Variants in MAP4K4 observed in about 807,000 individuals in gnomAD.
MAP4K4 encodes HPK/GCK-like kinase HGK.
Under a neutral mutation model 189.6 loss-of-function variants are expected in MAP4K4, and 38 were observed. The ratio of observed to expected loss-of-function variants is 0.20; its 90% confidence interval spans 0.15 to 0.26. The LOEUF (loss-of-function observed/expected upper bound fraction) is 0.26, where lower values mean the gene tolerates loss of function less well. MAP4K4 is among the 10% of genes least tolerant of loss of function. The probability of loss-of-function intolerance (pLI) is 1.00; values close to 1 mark genes in which losing one functional copy is unlikely to be tolerated. For synonymous variants in MAP4K4, 610 were observed against 624.3 expected (o/e 0.98, Z 0.34); for missense variants, 1,054 against 1,726.9 (o/e 0.61, Z 6.91).
At chr2:101,698,618 C>A in intron 2 of MAP4K4, 80 bp downstream of exon 2, 1 of 1,388,282 alleles carries the variant, frequency 7.2e-7, no homozygotes. Context: ...GATAAACATG[C>A]TGCTGACTGG....
At chr2:101,778,644 C>T (rs1332510924) in intron 2 of MAP4K4, among the ~76,000 whole-genome samples, 2 of 152,046 alleles carry the variant, frequency 1.3e-5, no homozygotes, top group African/African-American at 4.8e-5. Flanking sequence ...AAACAGCCAC[C>T]GAAGATTCTG....
chr2:101,785,843 G>T (rs559179927), intron 2 of MAP4K4, among the ~76,000 whole-genome samples: 4 of 147,368 alleles, frequency 2.7e-5, no homozygotes, highest in East Asian at 2.0e-4. Flanking sequence ...TCCCTTTTTT[G>T]AGTTGGAGTC....
intron 2 of MAP4K4, among the ~76,000 whole-genome samples, chr2:101,747,926 G>A (rs1318173678): frequency 6.6e-6 from 1 of 152,186 alleles, no homozygotes; most frequent in Non-Finnish European, 1.5e-5. Flanking sequence ...TGCTCTGTAG[G>A]TGCTTGAGGA....
intron 3 of MAP4K4, among the ~76,000 whole-genome samples, chr2:101,820,131 C>G (rs1048485351): frequency 6.6e-6 from 1 of 152,060 alleles, no homozygotes; most frequent in African/African-American, 2.4e-5. Flanking sequence ...GTTTGTGTCA[C>G]TAAAAGAAAA....
At chr2:101,864,685 C>T (rs2097766161) in intron 17 of MAP4K4, among the ~76,000 whole-genome samples, 1 of 152,178 alleles carries the variant, frequency 6.6e-6, no homozygotes, top group Non-Finnish European at 1.5e-5. Flanking sequence ...TCAGTCCAAA[C>T]ATCATTTAAA....
At chr2:101,701,188 C>T (rs1019807216) in intron 2 of MAP4K4, among the ~76,000 whole-genome samples, 1 of 152,054 alleles carries the variant, frequency 6.6e-6, no homozygotes, top group East Asian at 1.9e-4. Flanking sequence ...TTTTCATTAG[C>T]GCAGATGTTG....
chr2:101,794,966 TGA>T (rs909573589), intron 3 of MAP4K4, among the ~76,000 whole-genome samples: 6 of 152,160 alleles, frequency 3.9e-5, no homozygotes, highest in African/African-American at 1.4e-4. Context: ...GGAAATATGT[TGA>T]GAGGTTTGAT....
intron 16 of MAP4K4, 135 bp from the exon 17 acceptor site, chr2:101,863,686 C>G: frequency 2.1e-6 from 1 of 465,194 alleles, no homozygotes; most frequent in Non-Finnish European, 4.3e-6. Context: ...TGTTTCACTG[C>G]GTGGCTGACC....
chr2:101,804,013 A>G (rs1199322684), intron 3 of MAP4K4, among the ~76,000 whole-genome samples: 2 of 152,178 alleles, frequency 1.3e-5, no homozygotes, highest in African/African-American at 2.4e-5. Context: ...GTTAATCCAT[A>G]AATGGCCTCA....
intron 2 of MAP4K4, among the ~76,000 whole-genome samples, chr2:101,780,050 C>T (rs1318046089): frequency 6.6e-6 from 1 of 152,148 alleles, no homozygotes; most frequent in Non-Finnish European, 1.5e-5. Flanking sequence ...TACAATAGTT[C>T]AGGGACACAC....
chr2:101,759,537 T>G (rs1205020942), intron 2 of MAP4K4, among the ~76,000 whole-genome samples: 1 of 11,624 alleles, frequency 8.6e-5, no homozygotes, highest in South Asian at 6.4e-3. Context: ...CCCCTCCCCA[T>G]TCCACTCCCC....
intron 3 of MAP4K4, among the ~76,000 whole-genome samples, chr2:101,803,878 C>CT (rs2094633491): frequency 1.3e-5 from 2 of 152,122 alleles, no homozygotes; most frequent in Admixed American, 1.3e-4. Context: ...GTTATTCTGA[C>CT]TTTTTTGCTA....
intron 3 of MAP4K4, among the ~76,000 whole-genome samples, chr2:101,813,451 G>C (rs553951378): frequency 5.3e-5 from 8 of 152,312 alleles, no homozygotes; most frequent in African/African-American, 1.9e-4. Context: ...AGCAGTGCCA[G>C]TCTTAGCAGC....
At position 101,758,548 on chromosome 2, in the gene MAP4K4, C is replaced by G. The variant is rs558886504; in HGVS notation, c.124-32172C>G. Among the ~76,000 whole-genome samples the G allele has an allele frequency of 2.6e-4, 39 of 152,180 alleles. No homozygotes were observed. The South Asian group carries it at 4.8e-3, about 19-fold the overall frequency. On this transcript the variant is annotated intron_variant, in intron 2 of 32. Coordinates refer to ENST00000324219, the Ensembl canonical transcript of MAP4K4. ...AGCATCTGTGGGAATTGACTAAGTG[C>G]GGATTTGGTTATACTTGGGGGTCTT...
At position 101,804,944 on chromosome 2, in the gene MAP4K4, C is replaced by T. The variant is rs560673438; in HGVS notation, c.180+14168C>T. ...CAAAAATTGGCCGAGCGTGGTGGCA[C>T]GTGACTGTAATCCCAGCTACTCGGG... On this transcript the variant is annotated intron_variant, in intron 3 of 32. Coordinates refer to ENST00000324219, the Ensembl canonical transcript of MAP4K4. Among the ~76,000 whole-genome samples, 60 of 151,862 alleles carry T rather than the reference C, an allele frequency of 4.0e-4. 1 individual carries two copies. Among genetic ancestry groups the T allele is most frequent in the Non-Finnish European group, 1.2e-4 (8 of 67,938 alleles).
intron 3 of MAP4K4, among the ~76,000 whole-genome samples, chr2:101,802,867 C>T (rs908652700): frequency 1.3e-5 from 2 of 152,070 alleles, no homozygotes; most frequent in African/African-American, 2.4e-5. Flanking sequence ...CTCACTGCAA[C>T]CTCTGCCTCC....
chr2:101,824,397 GCTCAGTAAATTGAGCTTACCA>G (rs994916676), intron 4 of MAP4K4, among the ~76,000 whole-genome samples: 1 of 152,156 alleles, frequency 6.6e-6, no homozygotes, highest in African/African-American at 2.4e-5. Flanking sequence ...TAATTTGAAA[GCTCAGTAAATTGAGCTTACCA>G]CTTGGAAATG....
rs1029591828 is a variant in MAP4K4, at chr2:101,870,181, C to T, written c.2640-114C>T. ...TAAGCAGTTGCTTTTTTGGAGGAGG[C>T]TTTATATCGGTAGCCTCATCTCATG... On this transcript the variant is annotated intron_variant, in intron 22 of 32. Transcript: ENST00000324219. The T allele has an allele frequency of 2.8e-6, 3 of 1,088,440 alleles. No homozygotes were observed. The African/African-American group carries it at 4.8e-5, about 17-fold the overall frequency. 67.4% of individuals were successfully genotyped at this position (1,088,440 alleles called of 1,614,324 possible).
intron 24 of MAP4K4, among the ~76,000 whole-genome samples, chr2:101,873,368 T>C (rs1450910826): frequency 6.6e-6 from 1 of 152,148 alleles, no homozygotes; most frequent in Admixed American, 6.5e-5. Context: ...GCTAGGCACA[T>C]GAAGTCTAGA....
Sources: allele counts gnomAD v4.1 joint callset (sites outside exome capture counted in the v4.1 genomes callset), GRCh38; gene constraint gnomAD v4.1.1; transcripts MANE v1.5; gene names NCBI Gene and HGNC (gene_info 2026-07-23, HGNC 2026-07-21).